MAG: variants seen among roughly 807,000 people sequenced by gnomAD.
MAG encodes the protein myelin associated glycoprotein.
A neutral mutation model predicts 60.7 loss-of-function variants in MAG; 30 were observed. The ratio of observed to expected loss-of-function variants is 0.49; its 90% CI spans 0.37 to 0.67. MAG has a LOEUF of 0.67. MAG is among the 30% of genes least tolerant of loss of function. The pLI is 0.00. For synonymous variants in MAG, 384 were observed against 376.8 expected, an observed-to-expected ratio of 1.02 and a Z score of -0.22; for missense variants, 795 against 851.7, an observed-to-expected ratio of 0.93 and a Z score of 0.83.
At chr19:35,294,042 G>A (rs2066377698) in intron 1 of MAG, among the ~76,000 whole-genome samples, 193 bp from the exon 2 acceptor site, 1 of 151,960 alleles carries the variant, frequency 6.6e-6, no homozygotes, top group South Asian at 2.1e-4. Flanking sequence ...ACAGTTCTCT[G>A]ACACCCCAGC....
At chr19:35,310,241 A>G (rs1291867582) in intron 8 of MAG, 80 bp downstream of exon 8, 4 of 1,488,866 alleles carry the variant, frequency 2.7e-6, no homozygotes, top group Non-Finnish European at 2.7e-6. Flanking sequence ...GCTGACCAAC[A>G]GCCACAGAGC....
At chr19:35,306,724 C>T (rs550769882) in intron 7 of MAG, among the ~76,000 whole-genome samples, 1 of 152,334 alleles carries the variant, frequency 6.6e-6, no homozygotes, top group South Asian at 2.1e-4. Flanking sequence ...AGGTGTGAGC[C>T]ACTGCACCCG....
At chr19:35,312,627 G>A (rs888925706) in intron 10 of MAG, 2 of 516,552 alleles carry the variant, frequency 3.9e-6, no homozygotes, top group East Asian at 3.1e-5. Context: ...GGACCCATGG[G>A]GGGGCACGTA....
chr19:35,313,380 G>C lies in MAG; in HGVS notation c.1807G>C (p.Gly603Arg), dbSNP rs768294860. 1 of 1,614,104 alleles carries C rather than the reference G, an allele frequency of 6.2e-7. No individual in the cohort carries two copies. The highest frequency in any genetic ancestry group is 8.5e-7 in the Non-Finnish European group (1 of 1,179,982). ...CCTGAGCTATTCTCACTCGGACCTGGGGAAACGGCCCACCAAGGACAGCTA... is the reference window on the plus strand; with the variant it reads ...CCTGAGCTATTCTCACTCGGACCTGCGGAAACGGCCCACCAAGGACAGCTA... ...LDLSYSHSDLGKRPTKDSYTL... is the reference protein window; with the variant it reads ...LDLSYSHSDLRKRPTKDSYTL... Residue 603 changes from glycine (G) to arginine (R), a missense_variant, in exon 11 of 11, where the codon GGG (glycine) becomes CGG (arginine). Gly to Arg is a moderately radical substitution (Grantham distance 125, BLOSUM62 -2). Transcript: ENST00000392213.
At chr19:35,309,082 A>C (rs2066505635) in intron 7 of MAG, among the ~76,000 whole-genome samples, 1 of 152,160 alleles carries the variant, frequency 6.6e-6, no homozygotes, top group Non-Finnish European at 1.5e-5. Flanking sequence ...AAGGTGAATG[A>C]GGTTAGAGAG....
At chr19:35,294,944 CAAAAAGT>C in intron 2 of MAG, among the ~76,000 whole-genome samples, 1 of 152,072 alleles carries the variant, frequency 6.6e-6, no homozygotes, top group Non-Finnish European at 1.5e-5. Flanking sequence ...GACCCCATCT[CAAAAAGT>C]AAAAAGTTAA....
rs185503316 is a variant in MAG, at chr19:35,293,880, G to C, written c.-79-355G>C. On this transcript the variant is annotated intron_variant, in intron 1 of 10. Transcript: ENST00000392213. This position sits in a 1 kb window ranked among gnomAD's most constrained non-coding sequence, Gnocchi z 4.0. The stretch of plus-strand genomic sequence containing the variant: ...GGAATTCACGCGGCATGTCGGGAAT[G>C]CTGATACTGTGAAACCCAGTCATTG... Among the ~76,000 whole-genome samples, 6 of 152,192 alleles carry C rather than the reference G, an allele frequency of 3.9e-5. No individual in the cohort carries two copies. Among genetic ancestry groups the C allele is most frequent in the African/African-American group, 1.4e-4 (6 of 41,504 alleles).
chr19:35,301,709 C>T (rs933867548), intron 6 of MAG, among the ~76,000 whole-genome samples: 16 of 151,662 alleles, frequency 1.1e-4, no homozygotes, highest in African/African-American at 3.9e-4. Context: ...GGATTACAGG[C>T]GTGAGCCACC....
chr19:35,313,503 G>A lies in MAG; in HGVS notation c.*49G>A. 6.5e-7 allele frequency: 1 copy of A among 1,527,236 alleles called. No individual in the cohort carries two copies. The highest frequency in any genetic ancestry group is 8.8e-7 in the Non-Finnish European group (1 of 1,136,640). 94.6% of individuals were successfully genotyped at this position (1,527,236 alleles called of 1,614,324 possible). Reference sequence around the variant, plus strand: ...GCTGACCCCCCTCAGGACCCTCGCTGGCCCCCACTGGCTGTGGGCTCCCTT... The same window carrying A: ...GCTGACCCCCCTCAGGACCCTCGCTAGCCCCCACTGGCTGTGGGCTCCCTT... On this transcript the variant is annotated 3_prime_UTR_variant, in exon 11 of 11. Coordinates refer to ENST00000392213, the MANE Select transcript of MAG (RefSeq NM_002361.4).
At chr19:35,299,505 C>G (rs750354950) in intron 4 of MAG, 49 bp from the exon 5 acceptor site, 1 of 1,393,596 alleles carries the variant, frequency 7.2e-7, no homozygotes, top group East Asian at 2.4e-5. Context: ...GGACCGGGAC[C>G]GTAGCCCAGT....
At chr19:35,309,687 G>T (rs552734338) in intron 7 of MAG, 187 bp from the exon 8 acceptor site, 45 of 640,220 alleles carry the variant, frequency 7.0e-5, no homozygotes, top group Non-Finnish European at 1.1e-4. Flanking sequence ...GGCAGCCGGC[G>T]GGGTCGTAGT....
rs1291834966 is a variant in MAG, at chr19:35,294,284, G to A, written c.-30G>A. On this transcript the variant is annotated 5_prime_UTR_variant, in exon 2 of 11. Transcript: ENST00000392213. ...CCAGAAGACGTCCCCAACTCAGGGA[G>A]ATTCAGGTGAGGGGCAGGGTACCAA... The A allele has an allele frequency of 9.1e-6, 4 of 441,106 alleles. No homozygotes were observed. Among genetic ancestry groups the A allele is most frequent in the African/African-American group, 2.0e-5 (1 of 49,026 alleles). 27.3% of individuals were successfully genotyped at this position (441,106 alleles called of 1,614,324 possible). A position where few individuals can be genotyped will look rare whatever the true frequency, so the allele number is the denominator to read the frequency against.
chr19:35,299,116 ATGGGAGAGGAGAGCCGCT>A (rs1319287396), intron 4 of MAG, among the ~76,000 whole-genome samples: 1 of 152,152 alleles, frequency 6.6e-6, no homozygotes, highest in African/African-American at 2.4e-5. Context: ...CCAAGCAGGC[ATGGGAGAGGAGAGCCGCT>A]TGGGAAGTGA....
rs1353289079 is a variant in MAG at position 35,299,912 on chromosome 19, G to A, written c.712+62G>A. 4.3e-6 allele frequency: 5 copies of A among 1,164,870 alleles called. No individual in the cohort carries two copies. In the African/African-American group the frequency reaches 8.7e-5, roughly 20 times the overall value. 72.2% of individuals were successfully genotyped at this position (1,164,870 alleles called of 1,614,324 possible). On this transcript the variant is annotated intron_variant, in intron 5 of 10. Coordinates refer to ENST00000392213, the MANE Select transcript of MAG (RefSeq NM_002361.4). ...GTGGGGCGGGGTCCGGGGAGGGGGT[G>A]GACCTGGGGATGCGGCCGGAGGCGG...
At chr19:35,312,734 A>C in intron 10 of MAG, 1 of 226,424 alleles carries the variant, frequency 4.4e-6, no homozygotes, top group Non-Finnish European at 8.7e-6. Context: ...TGCCCTCAAA[A>C]CTCCTATGTT....
chr19:35,296,249 G>A (rs1181461054), intron 4 of MAG, among the ~76,000 whole-genome samples: 1 of 152,236 alleles, frequency 6.6e-6, no homozygotes, highest in African/African-American at 2.4e-5. Context: ...AAGGCAGTGG[G>A]GCCAGGGGGT....
Position 35,295,950 on chromosome 19 carries a change from C to G in MAG, c.384C>G (p.Thr128=). ...ACCTGGGCGGCTACAACCAGTACAC[C>G]TTCTCAGAGCACAGCGTCCTGGATA... ...RGDLGGYNQY[T]FSEHSVLDIV... Residue 128 remains threonine, a synonymous_variant, in exon 4 of 11, where the codon ACC becomes ACG. Coordinates refer to ENST00000392213, the MANE Select transcript of MAG (RefSeq NM_002361.4). This position sits in a 1 kb window ranked among gnomAD's most constrained non-coding sequence, Gnocchi z 5.8. 1 of 1,606,496 alleles carries G rather than the reference C, an allele frequency of 6.2e-7. No individual in the cohort carries two copies. The highest frequency in any genetic ancestry group is 8.5e-7 in the Non-Finnish European group (1 of 1,176,266).
At chr19:35,301,605 T>C (rs2066448937) in intron 6 of MAG, among the ~76,000 whole-genome samples, 1 of 152,120 alleles carries the variant, frequency 6.6e-6, no homozygotes, top group Non-Finnish European at 1.5e-5. Context: ...CTAATTTTTG[T>C]ATTTGTAGTA....
intron 4 of MAG, 64 bp downstream of exon 4, chr19:35,296,045 C>G: frequency 6.6e-7 from 1 of 1,509,546 alleles, no homozygotes; most frequent in Non-Finnish European, 8.8e-7. Context: ...GGAGTGTGGC[C>G]GGAAGGCCTC....
Sources: allele counts gnomAD v4.1 joint callset (sites outside exome capture counted in the v4.1 genomes callset), GRCh38; gene constraint gnomAD v4.1.1; non-coding constraint Gnocchi (gnomAD v3.1); transcripts MANE v1.5; gene names NCBI Gene and HGNC (gene_info 2026-07-23, HGNC 2026-07-21).